Variants in CCDC89 observed in about 807,000 individuals in gnomAD.
The protein encoded by CCDC89 is coiled-coil domain-containing protein 89.
A neutral mutation model predicts 29.3 loss-of-function variants in CCDC89; 28 were observed. That is an observed-to-expected ratio of 0.96 (90% confidence interval 0.71 to 1.31). The LOEUF is 1.31. Among genes scored for constraint, CCDC89 ranks in the 50% most tolerant of loss-of-function variants. The pLI is 0.00. For missense variants in CCDC89, 484 were observed against 442.3 expected, an observed-to-expected ratio of 1.09 and a Z score of -0.85; for synonymous variants, 191 against 179.7, an observed-to-expected ratio of 1.06 and a Z score of -0.51.
At position 85,685,991 on chromosome 11, in the gene CCDC89, T is replaced by TCC. The variant is rs1276824949; in HGVS notation, c.138_139dup (p.Glu47GlyfsTer35). 1 of 1,614,180 alleles carries TCC rather than the reference T, an allele frequency of 6.2e-7. No homozygotes were observed. The highest frequency in any genetic ancestry group is 8.5e-7 in the Non-Finnish European group (1 of 1,180,030). ...CAGTCCCCGGAGGTTTGCCAAGGCT[T>TCC]CCCTCAGACCGTCCAGTTCCTTAAA... is the stretch of plus-strand genomic sequence containing the variant. On this transcript the variant is annotated frameshift_variant, in exon 1 of 1. Coordinates refer to ENST00000316398, the MANE Select transcript of CCDC89 (RefSeq NM_152723.3). LOFTEE classifies it high-confidence loss of function.
rs1273623947 is a variant in CCDC89 at position 85,685,082 on chromosome 11, G to A, written c.1049C>T (p.Ala350Val). The A allele has an allele frequency of 1.2e-6, 2 of 1,614,150 alleles. No individual in the cohort carries two copies. The highest frequency in any genetic ancestry group is 2.2e-5 in the South Asian group (2 of 91,082). The change falls in exon 1 of 1, where the codon GCC (alanine) becomes GTC (valine). Residue 350 changes from alanine to valine, a missense_variant. Coordinates refer to ENST00000316398, the MANE Select transcript of CCDC89 (RefSeq NM_152723.3). ...AYDELRLQSE[A>V]FKKHSLDLLS... ...AAGATCCAAGCTGTGCTTTTTGAAG[G>A]CTTCAGACTGCAGCCTGAGTTCATC...
chr11:85,684,943 C>A lies in CCDC89; in HGVS notation c.*63G>T. 2 of 1,510,242 alleles carry A rather than the reference C, an allele frequency of 1.3e-6. No homozygotes were observed. The highest frequency in any genetic ancestry group is 1.3e-5 in the South Asian group (1 of 75,600). 93.6% of individuals were successfully genotyped at this position (1,510,242 alleles called of 1,614,324 possible). A position where few individuals can be genotyped will look rare whatever the true frequency, so the allele number is the denominator to read the frequency against. On this transcript the variant is annotated 3_prime_UTR_variant, in exon 1 of 1. Coordinates refer to ENST00000316398, the MANE Select transcript of CCDC89 (RefSeq NM_152723.3). Reference sequence around the variant, plus strand: ...AAATGGGATATCATCTTTACTCTTGCCATAATGCTAAGACGCAAATATTTG... The same window carrying A: ...AAATGGGATATCATCTTTACTCTTGACATAATGCTAAGACGCAAATATTTG...
chr11:85,686,173 C>G lies in CCDC89; in HGVS notation c.-43G>C, dbSNP rs563556420. 4 of 1,573,324 alleles carry G rather than the reference C, an allele frequency of 2.5e-6. No homozygotes were observed. In the South Asian group the frequency reaches 3.6e-5, roughly 14 times the overall value. On this transcript the variant is annotated 5_prime_UTR_variant, in exon 1 of 1. Transcript: ENST00000316398. Reference sequence around the variant, plus strand: ...CAGTCTTTTCCCCTCAGATTTCAAACGCTGCAGGGTGTTGCTAGGGACTCT... The same window carrying G: ...CAGTCTTTTCCCCTCAGATTTCAAAGGCTGCAGGGTGTTGCTAGGGACTCT...
At position 85,686,117 on chromosome 11, in the gene CCDC89, A is replaced by G. The variant is rs2083016841; in HGVS notation, c.14T>C (p.Met5Thr). 1 of 1,613,076 alleles carries G rather than the reference A, an allele frequency of 6.2e-7. No individual in the cohort carries two copies. The highest frequency in any genetic ancestry group is 8.5e-7 in the Non-Finnish European group (1 of 1,179,672). The change falls in exon 1 of 1, where the codon ATG (methionine) becomes ACG (threonine). Residue 5 changes from methionine (M) to threonine (T), a missense_variant. Coordinates refer to ENST00000316398, the MANE Select transcript of CCDC89 (RefSeq NM_152723.3). MRAP[M>T]LQKQQAPRMD... ...CCTGGGAGCCTGCTGTTTCTGGAGC[A>G]TAGGCGCTCTCATCCACTAAGGGCT...
chr11:85,685,278 C>T lies in CCDC89; in HGVS notation c.853G>A (p.Val285Met), dbSNP rs148294885. 14 of 1,609,930 alleles carry T rather than the reference C, an allele frequency of 8.7e-6. No homozygotes were observed. The highest frequency in any genetic ancestry group is 1.6e-4 in the Middle Eastern group (1 of 6,084). Residue 285 changes from valine to methionine, a missense_variant, in exon 1 of 1, where the codon GTG becomes ATG. By Grantham distance (21) the Val-to-Met change is conservative. Coordinates refer to ENST00000316398, the MANE Select transcript of CCDC89 (RefSeq NM_152723.3). The part of the protein sequence containing the change: ...LLQLSIERGK[V>M]LQNKQAEICQ... ...ATCTCTGCCTGTTTGTTCTGAAGCACTTTGCCCCTTTCAATGGACAGCTGC... is the reference window on the plus strand; with the variant it reads ...ATCTCTGCCTGTTTGTTCTGAAGCATTTTGCCCCTTTCAATGGACAGCTGC...
Position 85,686,100 on chromosome 11 carries a change from C to T in CCDC89, c.31G>A (p.Ala11Thr), listed in dbSNP as rs758894153. The change falls in exon 1 of 1, where the codon GCT becomes ACT. Residue 11 changes from alanine (A) to threonine (T), a missense_variant. Transcript: ENST00000316398. ...GGGGGCGGGGTGTCCATCCTGGGAG[C>T]CTGCTGTTTCTGGAGCATAGGCGCT... is the stretch of plus-strand genomic sequence containing the variant. MRAPMLQKQQAPRMDTPPPEE... is the reference protein window; with the variant it reads MRAPMLQKQQTPRMDTPPPEE... 2.5e-6 allele frequency: 4 copies of T among 1,613,756 alleles called. No individual in the cohort carries two copies. The highest frequency in any genetic ancestry group is 2.7e-5 in the African/African-American group (2 of 74,864).
At position 85,685,956 on chromosome 11, in the gene CCDC89, C is replaced by A. The variant is rs2083015423; in HGVS notation, c.175G>T (p.Glu59Ter). ...CGAAGCATAGCCTTCTCGCTCCTCT[C>A]CTCCTCTGACAGTCCCCGGAGGTTT... ...LANLRGLSEE[E>*]RSEKAMLRSR... The change falls in exon 1 of 1, where the codon GAG (glutamate) becomes TAG (stop). Residue 59 changes from glutamate (E) to a stop codon, truncating the protein, a stop_gained. Transcript: ENST00000316398. LOFTEE classifies it high-confidence loss of function. The A allele has an allele frequency of 2.5e-6, 4 of 1,614,056 alleles. No individual in the cohort carries two copies. In the South Asian group the frequency reaches 3.3e-5, roughly 13 times the overall value.
chr11:85,684,787 G>A lies in CCDC89; in HGVS notation c.*219C>T. The A allele has an allele frequency of 1.8e-6, 1 of 541,678 alleles. No homozygotes were observed. Among genetic ancestry groups the A allele is most frequent in the Non-Finnish European group, 3.1e-6 (1 of 318,776 alleles). The allele number at this position is 541,678 out of a possible 1,614,324, so 33.6% of individuals were successfully genotyped here. A position where few individuals can be genotyped will look rare whatever the true frequency, so the allele number is the denominator to read the frequency against. Reference sequence around the variant, plus strand: ...GTAAATTTAAGATTTCTAAGGCACAGAAGGAAATCTGGCAAATCTTGTGTA... The same window carrying A: ...GTAAATTTAAGATTTCTAAGGCACAAAAGGAAATCTGGCAAATCTTGTGTA... On this transcript the variant is annotated 3_prime_UTR_variant, in exon 1 of 1. Coordinates refer to ENST00000316398, the MANE Select transcript of CCDC89 (RefSeq NM_152723.3).
In CCDC89 at chr11:85,685,269, T is replaced by G; in HGVS notation, c.862A>C (p.Asn288His). Residue 288 changes from asparagine to histidine, a missense_variant, in exon 1 of 1, where the codon AAC becomes CAC. By Grantham distance (68) the Asn-to-His change is moderately conservative. Coordinates refer to ENST00000316398, the MANE Select transcript of CCDC89 (RefSeq NM_152723.3). ...LSIERGKVLQ[N>H]KQAEICQLEE... is the part of the protein sequence containing the mutation. ...AGCTGGCAGATCTCTGCCTGTTTGT[T>G]CTGAAGCACTTTGCCCCTTTCAATG... The G allele has an allele frequency of 6.2e-7, 1 of 1,610,956 alleles. No homozygotes were observed. Among genetic ancestry groups the G allele is most frequent in the Non-Finnish European group, 8.5e-7 (1 of 1,180,020 alleles).
chr11:85,685,607 T>A lies in CCDC89; in HGVS notation c.524A>T (p.Lys175Ile), dbSNP rs2083011705. ...ACACCGGACTGTGAGCTGTAATACT[T>A]TCGCCTCCTCATCCTTCAGAGCCTG... ...FSQALKDEEA[K>I]VLQLTVRCEA... Residue 175 changes from lysine (K) to isoleucine (I), a missense_variant, in exon 1 of 1, where the codon AAA becomes ATA. By Grantham distance (102) the Lys-to-Ile change is moderately radical (BLOSUM62 -3). Coordinates refer to ENST00000316398, the MANE Select transcript of CCDC89 (RefSeq NM_152723.3). 2 of 1,614,134 alleles carry A rather than the reference T, an allele frequency of 1.2e-6. No individual in the cohort carries two copies. Among genetic ancestry groups the A allele is most frequent in the Admixed American group, 1.7e-5 (1 of 60,028 alleles).
chr11:85,685,496 A>C lies in CCDC89; in HGVS notation c.635T>G (p.Leu212Arg). The change falls in exon 1 of 1, where the codon CTG becomes CGG. Residue 212 changes from leucine (L) to arginine (R), a missense_variant. Transcript: ENST00000316398. The part of the protein sequence containing the change: ...CQAQAREKEL[L>R]ELQSQQACTH... ...GCAGGCCTGCTGGCTCTGTAGCTCC[A>C]GCAGCTCCTTCTCGCGCGCCTGTGC... 6.2e-7 allele frequency: 1 copy of C among 1,613,796 alleles called. No individual in the cohort carries two copies. The highest frequency in any genetic ancestry group is 1.3e-5 in the African/African-American group (1 of 75,050).
At position 85,684,821 on chromosome 11, in the gene CCDC89, G is replaced by A; in HGVS notation, c.*185C>T. 1 of 668,934 alleles carries A rather than the reference G, an allele frequency of 1.5e-6. No individual in the cohort carries two copies. The highest frequency in any genetic ancestry group is 2.4e-6 in the Non-Finnish European group (1 of 416,506). 41.4% of individuals were successfully genotyped at this position (668,934 alleles called of 1,614,324 possible). On this transcript the variant is annotated 3_prime_UTR_variant, in exon 1 of 1. Transcript: ENST00000316398. ...CTGGCAAATCTTGTGTATTCTAGGTGTAGAAATGAAAATTAATAATGGCTT... is the reference window on the plus strand; with the variant it reads ...CTGGCAAATCTTGTGTATTCTAGGTATAGAAATGAAAATTAATAATGGCTT...
chr11:85,683,924 T>C lies in CCDC89; in HGVS notation c.*1082A>G, dbSNP rs2082997414. 1.3e-5 allele frequency among the ~76,000 whole-genome samples: 2 copies of C among 152,174 alleles called. No individual in the cohort carries two copies. Among genetic ancestry groups the C allele is most frequent in the African/African-American group, 4.8e-5 (2 of 41,450 alleles). ...AATTCATTATGTAACTTGGTAGCCT[T>C]CAGCAAAATGGGTGAGAAAAATATT... On this transcript the variant is annotated 3_prime_UTR_variant, in exon 1 of 1. Transcript: ENST00000316398.
chr11:85,685,848 C>G lies in CCDC89; in HGVS notation c.283G>C (p.Glu95Gln), dbSNP rs1171924340. ...DEALERCQIL[E>Q]LLNAELEEKM... is the part of the protein sequence containing the mutation. Reference sequence around the variant, plus strand: ...TCCTCCAGCTCTGCATTGAGCAGCTCTAGGATCTGGCAGCGCTCCAGGGCC... The same window carrying G: ...TCCTCCAGCTCTGCATTGAGCAGCTGTAGGATCTGGCAGCGCTCCAGGGCC... Residue 95 changes from glutamate to glutamine, a missense_variant, in exon 1 of 1, where the codon GAG becomes CAG. Coordinates refer to ENST00000316398, the MANE Select transcript of CCDC89 (RefSeq NM_152723.3). 2 of 1,614,172 alleles carry G rather than the reference C, an allele frequency of 1.2e-6. No individual in the cohort carries two copies. Among genetic ancestry groups the G allele is most frequent in the Non-Finnish European group, 1.7e-6 (2 of 1,180,032 alleles).
rs2083002481 is a variant in CCDC89, at chr11:85,684,503, A to G, written c.*503T>C. On this transcript the variant is annotated 3_prime_UTR_variant, in exon 1 of 1. Coordinates refer to ENST00000316398, the MANE Select transcript of CCDC89 (RefSeq NM_152723.3). ...ATTTTCCAAGCTAGCGCAAAATAAAATAAAGTCAGACACTTTTTTTTTTCT... is the reference window on the plus strand; with the variant it reads ...ATTTTCCAAGCTAGCGCAAAATAAAGTAAAGTCAGACACTTTTTTTTTTCT... Among the ~76,000 whole-genome samples the G allele has an allele frequency of 6.6e-6, 1 of 152,272 alleles. No homozygotes were observed. Among genetic ancestry groups the G allele is most frequent in the Non-Finnish European group, 1.5e-5 (1 of 68,040 alleles).
rs367702428 is a variant in CCDC89 at position 85,685,614 on chromosome 11, C to G, written c.517G>C (p.Glu173Gln). ...ACTGTGAGCTGTAATACTTTCGCCT[C>G]CTCATCCTTCAGAGCCTGGCTGAAG... ...SLFSQALKDE[E>Q]AKVLQLTVRC... The change falls in exon 1 of 1, where the codon GAG becomes CAG. Residue 173 changes from glutamate (E) to glutamine (Q), a missense_variant. Glu to Gln is a conservative substitution (Grantham distance 29, BLOSUM62 2). Coordinates refer to ENST00000316398, the MANE Select transcript of CCDC89 (RefSeq NM_152723.3). The G allele has an allele frequency of 1.9e-5, 31 of 1,614,044 alleles. No homozygotes were observed. Among genetic ancestry groups the G allele is most frequent in the Middle Eastern group, 3.3e-4 (2 of 6,084 alleles).
Position 85,685,543 on chromosome 11 carries a change from C to A in CCDC89, c.588G>T (p.Arg196Ser). ...LTGELETLKE[R>S]CAQDACQAQA... ...GTGCCTGGCAGGCATCCTGAGCACA[C>A]CTCTCCTTCAGCGTTTCTAGCTCCC... Residue 196 changes from arginine (R) to serine (S), a missense_variant, in exon 1 of 1, where the codon AGG becomes AGT. Transcript: ENST00000316398. 3.1e-6 allele frequency: 5 copies of A among 1,614,152 alleles called. No homozygotes were observed. The highest frequency in any genetic ancestry group is 4.2e-6 in the Non-Finnish European group (5 of 1,180,026).
Position 85,686,158 on chromosome 11 carries a change from C to T in CCDC89, c.-28G>A, listed in dbSNP as rs2083017104. 6.3e-7 allele frequency: 1 copy of T among 1,587,486 alleles called. No homozygotes were observed. Among genetic ancestry groups the T allele is most frequent in the African/African-American group, 1.4e-5 (1 of 73,542 alleles). ...ACTAAGGGCTGACTACAGTCTTTTC[C>T]CCTCAGATTTCAAACGCTGCAGGGT... is the stretch of plus-strand genomic sequence containing the variant. On this transcript the variant is annotated 5_prime_UTR_variant, in exon 1 of 1. Transcript: ENST00000316398.
At position 85,685,566 on chromosome 11, in the gene CCDC89, C is replaced by A; in HGVS notation, c.565G>T (p.Glu189Ter). 1 of 1,614,144 alleles carries A rather than the reference C, an allele frequency of 6.2e-7. No individual in the cohort carries two copies. Among genetic ancestry groups the A allele is most frequent in the Admixed American group, 1.7e-5 (1 of 60,024 alleles). ...CACCTCTCCTTCAGCGTTTCTAGCTCCCCAGTGAGGGCCTCACACCGGACT... is the reference window on the plus strand; with the variant it reads ...CACCTCTCCTTCAGCGTTTCTAGCTACCCAGTGAGGGCCTCACACCGGACT... ...LTVRCEALTG[E>*]LETLKERCAQ... Residue 189 changes from glutamate to a stop codon, truncating the protein, a stop_gained, in exon 1 of 1, where the codon GAG becomes TAG. Transcript: ENST00000316398. LOFTEE classifies it high-confidence loss of function.
Sources: allele counts gnomAD v4.1 joint callset (sites outside exome capture counted in the v4.1 genomes callset), GRCh38; gene constraint gnomAD v4.1.1; transcripts MANE v1.5; gene names NCBI Gene and HGNC (gene_info 2026-07-23, HGNC 2026-07-21).